TMCO5A: variants seen among roughly 807,000 people sequenced by gnomAD.
TMCO5A encodes transmembrane and coiled-coil domains 5A.
Under a neutral mutation model 42.3 loss-of-function variants are expected in TMCO5A, and 34 were observed. The ratio of observed to expected loss-of-function variants is 0.80; its 90% CI spans 0.61 to 1.07. TMCO5A has a LOEUF of 1.07. Among genes scored for constraint, TMCO5A ranks in the 50% least tolerant of loss-of-function variants. The pLI is 0.00. For missense variants in TMCO5A, 357 were observed against 327.9 expected, an observed-to-expected ratio of 1.09 and a Z score of -0.69; for synonymous variants, 131 against 115.6, an observed-to-expected ratio of 1.13 and a Z score of -0.86.
the TMCO5A span, among the ~76,000 whole-genome samples, chr15:38,010,430 C>CACACAT: frequency 8.1e-6 from 1 of 124,160 alleles, no homozygotes; most frequent in Non-Finnish European, 1.5e-5. Context: ...GGAGATCACA[C>CACACAT]ACACACACAC....
At chr15:37,964,927 G>T (rs893980666) in intron 11 of TMCO5A, among the ~76,000 whole-genome samples, 5 of 152,008 alleles carry the variant, frequency 3.3e-5, no homozygotes, top group African/African-American at 1.2e-4. Flanking sequence ...AAAATTTATA[G>T]GGAGCCACTG....
chr15:37,967,950 T>C (rs1338930662), downstream of TMCO5A, among the ~76,000 whole-genome samples: 1 of 152,198 alleles, frequency 6.6e-6, no homozygotes, highest in Non-Finnish European at 1.5e-5. Flanking sequence ...TAATTTATTG[T>C]ACAAATTGAG....
chr15:37,960,407 C>T (rs781215225), intron 11 of TMCO5A, among the ~76,000 whole-genome samples: 7 of 151,952 alleles, frequency 4.6e-5, no homozygotes, highest in Non-Finnish European at 8.8e-5. Context: ...TATAAATATA[C>T]CACAATTTTT....
chr15:37,969,893 T>C (rs1448209646), downstream of TMCO5A, among the ~76,000 whole-genome samples: 4 of 152,230 alleles, frequency 2.6e-5, no homozygotes, highest in Admixed American at 1.3e-4. Context: ...ATAGTATATA[T>C]ATACCACATT....
downstream of TMCO5A, among the ~76,000 whole-genome samples, chr15:37,952,934 C>T (rs1041211626): frequency 6.6e-6 from 1 of 152,194 alleles, no homozygotes; most frequent in African/African-American, 2.4e-5. Flanking sequence ...GCAGTACTCC[C>T]CATAGGCCTA....
the TMCO5A span, among the ~76,000 whole-genome samples, chr15:38,037,186 T>C: frequency 2.0e-5 from 3 of 152,144 alleles, no homozygotes; most frequent in Admixed American, 6.5e-5. Context: ...TGAACTGCAA[T>C]AGGTGGGGCT....
chr15:38,020,733 AT>A, the TMCO5A span, among the ~76,000 whole-genome samples: 2 of 152,182 alleles, frequency 1.3e-5, no homozygotes, highest in Non-Finnish European at 2.9e-5. Context: ...ATATAATTTT[AT>A]TTGTCAATTA....
At chr15:37,982,480 G>GTATTATATATTATCTATATATAATATA in the TMCO5A span, among the ~76,000 whole-genome samples, 4 of 79,634 alleles carry the variant, frequency 5.0e-5, no homozygotes, top group African/African-American at 3.7e-4. Context: ...GATATTTTAT[G>GTATTATATATTATCTATATATAATATA]TATTATATAT....
the TMCO5A span, among the ~76,000 whole-genome samples, chr15:38,035,779 G>T: frequency 6.6e-6 from 1 of 152,154 alleles, no homozygotes; most frequent in African/African-American, 2.4e-5. Flanking sequence ...AAGCCCCAAG[G>T]CATGAAATGA....
the TMCO5A span, among the ~76,000 whole-genome samples, chr15:38,016,232 T>G: frequency 6.6e-6 from 1 of 152,114 alleles, no homozygotes; most frequent in Non-Finnish European, 1.5e-5. Context: ...CTCTAAAAAA[T>G]AAAGTCTATT....
At chr15:37,943,499 T>G (rs1889827579) in intron 10 of TMCO5A, 101 bp downstream of exon 10, 10 of 1,187,120 alleles carry the variant, frequency 8.4e-6, no homozygotes, top group Non-Finnish European at 1.2e-5. Flanking sequence ...AATCTTGCCA[T>G]GCGCATTTTC....
At chr15:37,976,793 CTTTTTTTT>C in the TMCO5A span, among the ~76,000 whole-genome samples, 1 of 116,850 alleles carries the variant, frequency 8.6e-6, no homozygotes, top group African/African-American at 3.5e-5. Context: ...TTTCTTCTTT[CTTTTTTTT>C]TTTTTTTTTT....
the TMCO5A span, among the ~76,000 whole-genome samples, chr15:37,996,930 A>G: frequency 2.0e-5 from 3 of 152,226 alleles, no homozygotes; most frequent in African/African-American, 7.2e-5. Flanking sequence ...GCTGCGAAGA[A>G]TATTATTTCT....
At chr15:37,997,470 G>T in the TMCO5A span, among the ~76,000 whole-genome samples, 3 of 152,134 alleles carry the variant, frequency 2.0e-5, no homozygotes, top group Non-Finnish European at 4.4e-5. Flanking sequence ...AATGTGGTTT[G>T]TCTTTCCCTC....
chr15:37,964,317 C>T (rs902280787), intron 11 of TMCO5A, among the ~76,000 whole-genome samples: 1 of 152,132 alleles, frequency 6.6e-6, no homozygotes, highest in African/African-American at 2.4e-5. Context: ...AGGCTGGTAC[C>T]AGGGGTTGTC....
intron 2 of TMCO5A, chr15:37,936,073 A>C (rs1220522310): frequency 3.1e-6 from 1 of 321,494 alleles, no homozygotes; most frequent in Non-Finnish European, 5.6e-6. Flanking sequence ...GTGAAGGTGC[A>C]CTGTTAGATT....
At position 37,945,942 on chromosome 15, in the gene TMCO5A, G is replaced by C. The variant is rs551838948; in HGVS notation, c.628-1714G>C. On this transcript the variant is annotated intron_variant, in intron 10 of 11. Transcript: ENST00000319669. Reference sequence around the variant, plus strand: ...TTGGCATTTTCATCAAGAAATCTTTGCCCATGCCTGTGTCCATGGTATTGC... The same window carrying C: ...TTGGCATTTTCATCAAGAAATCTTTCCCCATGCCTGTGTCCATGGTATTGC... Among the ~76,000 whole-genome samples, 15 of 152,116 alleles carry C rather than the reference G, an allele frequency of 9.9e-5. 1 individual carries two copies. In the South Asian group the frequency reaches 3.1e-3, roughly 32 times the overall value.
In TMCO5A at chr15:37,951,182, G is replaced by C; in HGVS notation, c.815G>C (p.Cys272Ser). 6.2e-7 allele frequency: 1 copy of C among 1,613,854 alleles called. No individual in the cohort carries two copies. The highest frequency in any genetic ancestry group is 8.5e-7 in the Non-Finnish European group (1 of 1,179,870). ...LGRSTLWKLRCFFFPSLTLET... is the reference protein window; with the variant it reads ...LGRSTLWKLRSFFFPSLTLET... ...AGGAGCACCTTGTGGAAGCTCAGAT[G>C]CTTCTTCTTTCCATCTCTCACACTT... The change falls in exon 12 of 12, where the codon TGC becomes TCC. Residue 272 changes from cysteine to serine, a missense_variant. By Grantham distance (112) the Cys-to-Ser change is moderately radical (BLOSUM62 -1). Transcript: ENST00000319669.
the TMCO5A span, among the ~76,000 whole-genome samples, chr15:38,003,892 G>A: frequency 5.9e-5 from 9 of 152,092 alleles, no homozygotes; most frequent in Non-Finnish European, 1.3e-4. Flanking sequence ...GCTCTACACC[G>A]CTGAGTAGAG....
Sources: gnomAD v4.1 joint callset for allele counts (sites outside exome capture counted in the v4.1 genomes callset) on GRCh38, gnomAD v4.1.1 for gene constraint, MANE v1.5 for transcripts, NCBI Gene and HGNC (gene_info 2026-07-23, HGNC 2026-07-21) for gene names.